RASSF3: variants seen among roughly 807,000 people sequenced by gnomAD.
RASSF3 encodes Ras association domain family member 3, also known as ras association domain-containing protein 3.
RASSF3 carries 19 observed loss-of-function variants against 19.9 expected under a neutral mutation model. That is an observed-to-expected ratio of 0.96 (90% confidence interval 0.67 to 1.40). RASSF3 has a LOEUF of 1.40. Among genes scored for constraint, RASSF3 ranks in the 40% most tolerant of loss-of-function variants. The pLI, the probability that RASSF3 is intolerant of heterozygous loss-of-function variation, is 0.00. For synonymous variants in RASSF3, 110 were observed against 104.2 expected (o/e 1.06, Z -0.34); for missense variants, 306 against 289.8 (o/e 1.06, Z -0.41).
chr12:64,543,428 CG>C (rs1565836081), downstream of RASSF3, among the ~76,000 whole-genome samples: 8 of 48,606 alleles, frequency 1.6e-4, no homozygotes, highest in South Asian at 8.9e-4. Context: ...CCCGGCTCCC[CG>C]CCCGCCCCCC....
chr12:64,594,101 G>A (rs1264743278), intron 2 of RASSF3, among the ~76,000 whole-genome samples: 1 of 151,716 alleles, frequency 6.6e-6, no homozygotes, highest in Non-Finnish European at 1.5e-5. Context: ...GGGAGGCCAA[G>A]GTGGGAGGAT....
intron 1 of RASSF3, among the ~76,000 whole-genome samples, chr12:64,637,541 T>C (rs1469761392): frequency 6.6e-6 from 1 of 151,250 alleles, no homozygotes; most frequent in Non-Finnish European, 1.5e-5. Context: ...GCAATTCTCA[T>C]GCCTCAGCCT....
chr12:64,580,487 C>T (rs1185053352), intron 2 of RASSF3, among the ~76,000 whole-genome samples: 3 of 151,406 alleles, frequency 2.0e-5, no homozygotes, highest in African/African-American at 7.3e-5. Flanking sequence ...TGCTTTGAGT[C>T]CAGGAGATCG....
chr12:64,635,708 G>T (rs148657563), intron 1 of RASSF3, among the ~76,000 whole-genome samples: 34 of 152,324 alleles, frequency 2.2e-4, no homozygotes, highest in Middle Eastern at 3.4e-3. Flanking sequence ...GCGGTAAGAA[G>T]AGGGGAAGCT....
At chr12:64,600,447 T>G (rs1408877447) in intron 2 of RASSF3, among the ~76,000 whole-genome samples, 1 of 152,254 alleles carries the variant, frequency 6.6e-6, no homozygotes, top group Non-Finnish European at 1.5e-5. Flanking sequence ...TATGTGTGTT[T>G]ACTCGGTAAA....
chr12:64,697,094 A>G lies in RASSF3; in HGVS notation c.*2182A>G, dbSNP rs576710847. 2 of 137,172 alleles carry G rather than the reference A, an allele frequency of 1.5e-5. No homozygotes were observed. Among genetic ancestry groups the G allele is most frequent in the East Asian group, 4.2e-4 (2 of 4,766 alleles). The allele number at this position is 137,172 out of a possible 1,614,324, so 8.5% of individuals were successfully genotyped here. A position where few individuals can be genotyped will look rare whatever the true frequency, so the allele number is the denominator to read the frequency against. ...TTTTTTTTTTTTTTACTTGAAGTAGATTGTCTGAATAGGCATCCTCATCTA... is the reference window on the plus strand; with the variant it reads ...TTTTTTTTTTTTTTACTTGAAGTAGGTTGTCTGAATAGGCATCCTCATCTA... On this transcript the variant is annotated 3_prime_UTR_variant, in exon 5 of 5. Coordinates refer to ENST00000542104, the MANE Select transcript of RASSF3 (RefSeq NM_178169.4).
In RASSF3 at chr12:64,697,003, G is replaced by C. The variant is rs1169488536; in HGVS notation, c.*2091G>C. 1 of 147,830 alleles carries C rather than the reference G, an allele frequency of 6.8e-6. No individual in the cohort carries two copies. The highest frequency in any genetic ancestry group is 2.5e-5 in the African/African-American group (1 of 40,176). The allele number at this position is 147,830 out of a possible 1,614,324, so 9.2% of individuals were successfully genotyped here. A position where few individuals can be genotyped will look rare whatever the true frequency, so the allele number is the denominator to read the frequency against. On this transcript the variant is annotated 3_prime_UTR_variant, in exon 5 of 5. Coordinates refer to ENST00000542104, the MANE Select transcript of RASSF3 (RefSeq NM_178169.4). ...TAAACTTATATTTTGTGAAGCATTT[G>C]TTTCTCAGATTAAGACACTGTTAGA...
chr12:64,626,544 A>T (rs1022471741), intron 1 of RASSF3, among the ~76,000 whole-genome samples: 12 of 150,844 alleles, frequency 8.0e-5, no homozygotes, highest in African/African-American at 2.2e-4. Context: ...TTCTAATGGT[A>T]TTAGAATTGT....
In RASSF3 at chr12:64,561,896, T is replaced by A. The variant is rs527388869; in HGVS notation, c.294+20191T>A. On this transcript the variant is annotated intron_variant, in intron 2 of 5. Coordinates refer to the RASSF3 transcript ENST00000637125. Reference sequence around the variant, plus strand: ...GTATACAAATATAATGTTGGCCAGGTTGGTCTCAAAGTCTTGACCTCGAGT... The same window carrying A: ...GTATACAAATATAATGTTGGCCAGGATGGTCTCAAAGTCTTGACCTCGAGT... 1.3e-3 allele frequency among the ~76,000 whole-genome samples: 193 copies of A among 151,800 alleles called. 1 individual carries two copies. Among genetic ancestry groups the A allele is most frequent in the African/African-American group, 4.5e-3 (185 of 41,448 alleles).
chr12:64,561,146 T>C (rs985206383), intron 2 of RASSF3, among the ~76,000 whole-genome samples: 26 of 152,186 alleles, frequency 1.7e-4, no homozygotes, highest in Non-Finnish European at 2.5e-4. Flanking sequence ...TAGTCAATTA[T>C]GCTCCCTGCA....
At chr12:64,625,134 A>G (rs1870941991) in intron 1 of RASSF3, among the ~76,000 whole-genome samples, 2 of 152,128 alleles carry the variant, frequency 1.3e-5, no homozygotes, top group South Asian at 2.1e-4. Context: ...GGTCTGTCTC[A>G]TTGGCTTTAT....
At chr12:64,627,580 A>G (rs1871037819) in intron 1 of RASSF3, among the ~76,000 whole-genome samples, 1 of 152,174 alleles carries the variant, frequency 6.6e-6, no homozygotes, top group African/African-American at 2.4e-5. Context: ...TCCCAATTAT[A>G]TTTGTTAATT....
At chr12:64,689,227 G>GTA (rs1873482375) in intron 3 of RASSF3, among the ~76,000 whole-genome samples, 1 of 151,460 alleles carries the variant, frequency 6.6e-6, no homozygotes, top group African/African-American at 2.4e-5. Context: ...CGGGGTGTGT[G>GTA]TGTGTGTGTG....
At chr12:64,600,727 T>C (rs1870078250) in intron 2 of RASSF3, among the ~76,000 whole-genome samples, 1 of 152,208 alleles carries the variant, frequency 6.6e-6, no homozygotes, top group Non-Finnish European at 1.5e-5. Context: ...AACAGACATC[T>C]TAGACCCCAG....
chr12:64,592,630 A>G lies in RASSF3; in HGVS notation c.294+50925A>G, dbSNP rs1209834205. Among the ~76,000 whole-genome samples, 3 of 151,736 alleles carry G rather than the reference A, an allele frequency of 2.0e-5. No homozygotes were observed. The East Asian group carries it at 5.8e-4, about 29-fold the overall frequency. On this transcript the variant is annotated intron_variant, in intron 2 of 5. Transcript: ENST00000637125. ...AGTAAGGAAGTTGTCTAACTTTTGT[A>G]TTTTTACCAAGTTTTTTCTGTTTTG... is the stretch of plus-strand genomic sequence containing the variant.
chr12:64,684,925 A>G, intron 2 of RASSF3, 31 bp downstream of exon 2: 1 of 1,249,748 alleles, frequency 8.0e-7, no homozygotes, highest in Non-Finnish European at 1.2e-6. Flanking sequence ...TTAGGTTGAC[A>G]CCTGTCAAAA....
intron 2 of RASSF3, among the ~76,000 whole-genome samples, chr12:64,567,630 G>A (rs949714062): frequency 1.3e-5 from 2 of 152,238 alleles, no homozygotes; most frequent in Non-Finnish European, 2.9e-5. Flanking sequence ...GTGGGCTACA[G>A]CATGAAGACT....
In RASSF3 at chr12:64,610,609, C is replaced by A. The variant is rs1408686513; in HGVS notation, c.-24C>A. 2.0e-6 allele frequency: 3 copies of A among 1,463,460 alleles called. No homozygotes were observed. The highest frequency in any genetic ancestry group is 4.3e-5 in the Admixed American group (2 of 46,818). The allele number at this position is 1,463,460 out of a possible 1,614,324, so 90.7% of individuals were successfully genotyped here. A position where few individuals can be genotyped will look rare whatever the true frequency, so the allele number is the denominator to read the frequency against. On this transcript the variant is annotated 5_prime_UTR_variant, in exon 1 of 5. Transcript: ENST00000542104. Reference sequence around the variant, plus strand: ...GGCCGCCTGCGCCCCGGGGAGGCCGCCCGCGCGCGACGGGACCGGCAGCAT... The same window carrying A: ...GGCCGCCTGCGCCCCGGGGAGGCCGACCGCGCGCGACGGGACCGGCAGCAT...
intron 1 of RASSF3, among the ~76,000 whole-genome samples, chr12:64,520,197 C>A (rs560596747): frequency 2.4e-4 from 34 of 139,428 alleles, no homozygotes; most frequent in African/African-American, 8.1e-4. Context: ...GAGATGGAGT[C>A]TCGCTCTGTT....
Sources: gnomAD v4.1 joint callset for allele counts (sites outside exome capture counted in the v4.1 genomes callset) on GRCh38, gnomAD v4.1.1 for gene constraint, MANE v1.5 for transcripts, NCBI Gene and HGNC (gene_info 2026-07-23, HGNC 2026-07-21) for gene names.